The following ZSCAN12 variants were observed in gnomAD, a reference collection of about 807,000 sequenced individuals.
The protein encoded by ZSCAN12 is zinc finger and SCAN domain-containing protein 12.
A neutral mutation model predicts 23.4 loss-of-function variants in ZSCAN12; 18 were observed. The observed-to-expected ratio is 0.77, with a 90% CI of 0.53 to 1.14. ZSCAN12 has a LOEUF of 1.14. Ranked by LOEUF, ZSCAN12 falls within the 50% of genes most tolerant of loss-of-function variation. ZSCAN12 has a pLI of 0.00. For synonymous variants in ZSCAN12, 186 were observed against 253.4 expected, an observed-to-expected ratio of 0.73 and a Z score of 2.53; for missense variants, 650 against 735.0, an observed-to-expected ratio of 0.88 and a Z score of 1.34.
In ZSCAN12 at chr6:28,391,536, C is replaced by A; in HGVS notation, c.754G>T (p.Gly252Ter). 3.2e-6 allele frequency: 5 copies of A among 1,552,196 alleles called. No homozygotes were observed. The highest frequency in any genetic ancestry group is 4.4e-6 in the Non-Finnish European group (5 of 1,147,110). Reference protein sequence around the residue: ...EDKQPTCDENGVSLTENSDHT... With the variant: ...EDKQPTCDEN ...TCAGAGTTCTCAGTCAGGCTTACTCCATTTTCATCACAGGTAGGTTGTTTA... is the reference window on the plus strand; with the variant it reads ...TCAGAGTTCTCAGTCAGGCTTACTCAATTTTCATCACAGGTAGGTTGTTTA... The change falls in exon 4 of 4, where the codon GGA becomes TGA. Residue 252 changes from glycine to a stop codon, truncating the protein, a stop_gained. Transcript: ENST00000684592. LOFTEE classifies it low-confidence loss of function (END_TRUNC). This position sits in a 1 kb window ranked among gnomAD's most constrained non-coding sequence, Gnocchi z 4.1.
chr6:28,392,255 G>A (rs936317758), intron 3 of ZSCAN12, among the ~76,000 whole-genome samples: 2 of 149,944 alleles, frequency 1.3e-5, no homozygotes, highest in Non-Finnish European at 3.0e-5. Flanking sequence ...TCAGCTCACT[G>A]CAACCTCCGC....
At position 28,387,582 on chromosome 6, in the gene ZSCAN12, T is replaced by A. The variant is rs539140007; in HGVS notation, c.*2872A>T. ...GAAACAGCAAAAGAACTACCATAAC[T>A]AACTCCATTTTTGTTTAAGGACCCT... On this transcript the variant is annotated 3_prime_UTR_variant, in exon 4 of 4. Coordinates refer to ENST00000684592, the MANE Select transcript of ZSCAN12 (RefSeq NM_001163391.2). 5.8e-4 allele frequency among the ~76,000 whole-genome samples: 89 copies of A among 152,332 alleles called. No individual in the cohort carries two copies. Among genetic ancestry groups the A allele is most frequent in the Non-Finnish European group, 7.9e-4 (54 of 68,016 alleles).
intron 2 of ZSCAN12, among the ~76,000 whole-genome samples, chr6:28,396,777 G>GT (rs1424245844): frequency 1.3e-5 from 2 of 151,630 alleles, no homozygotes; most frequent in East Asian, 1.9e-4. Context: ...GCTGACTTTT[G>GT]TATTTTTAGT....
chr6:28,390,900 T>A lies in ZSCAN12; in HGVS notation c.1390A>T (p.Thr464Ser). The A allele has an allele frequency of 6.4e-7, 1 of 1,569,738 alleles. No homozygotes were observed. Among genetic ancestry groups the A allele is most frequent in the Non-Finnish European group, 8.6e-7 (1 of 1,156,846 alleles). The change falls in exon 4 of 4, where the codon ACT (threonine) becomes TCT (serine). Residue 464 changes from threonine to serine, a missense_variant. Coordinates refer to ENST00000684592, the MANE Select transcript of ZSCAN12 (RefSeq NM_001163391.2). ...TCACATTTGTAGGGTTTTTCCCCAG[T>A]GTGAATTCTCTGATGCTGAATAAGG... is the stretch of plus-strand genomic sequence containing the variant. The part of the protein sequence containing the change: ...SGLIQHQRIH[T>S]GEKPYKCDVC...
At chr6:28,381,260 T>C (rs1760220936), downstream of ZSCAN12, 1 of 152,228 alleles carries the variant, frequency 6.6e-6, no homozygotes. Flanking sequence ...TTCTACTCAC[T>C]TTAAGTATCT....
At chr6:28,398,528 A>C (rs539341159) in intron 1 of ZSCAN12, 55 bp from the exon 2 acceptor site, 165 of 1,008,194 alleles carry the variant, frequency 1.6e-4, no homozygotes, top group Admixed American at 3.8e-4. Context: ...TAAAACTGCA[A>C]ATTCTGAGAA....
In ZSCAN12 at chr6:28,391,677, G is replaced by A. The variant is rs551791387; in HGVS notation, c.613C>T (p.Pro205Ser). ...AATTTACTGGATGTCTTCCCATGTG[G>A]TTCCATTTCTTCAGAAACTTCTTGC... ...LKQEVSEEME[P>S]HGKTSSKFEN... Residue 205 changes from proline to serine, a missense_variant, in exon 4 of 4, where the codon CCA becomes TCA. Physicochemically the swap from Pro to Ser is moderately conservative, Grantham distance 74. Transcript: ENST00000684592. The surrounding 1 kb of genome is among the most constrained non-coding windows in gnomAD (Gnocchi z 4.1). 1.2e-5 allele frequency: 18 copies of A among 1,549,040 alleles called. No homozygotes were observed. The Admixed American group carries it at 1.2e-4, about 10-fold the overall frequency.
downstream of ZSCAN12, chr6:28,380,327 T>C (rs1188187701): frequency 5.9e-5 from 9 of 152,180 alleles, no homozygotes; most frequent in Admixed American, 5.9e-4. Flanking sequence ...ACTGGCAGGG[T>C]TTCCCTTTAC....
In ZSCAN12 at chr6:28,390,995, T is replaced by C; in HGVS notation, c.1295A>G (p.His432Arg). ...TTTTTCTTTGTGGTGGATTTCCTGA[T>C]GGGAAACAAGGGATGAGTTATAAAC... ...AFVYNSSLVS[H>R]QEIHHKEKCY... Residue 432 changes from histidine to arginine, a missense_variant, in exon 4 of 4, where the codon CAT becomes CGT. By Grantham distance (29) the His-to-Arg change is conservative. Transcript: ENST00000684592. The C allele has an allele frequency of 1.9e-6, 3 of 1,556,380 alleles. No homozygotes were observed. The highest frequency in any genetic ancestry group is 2.6e-6 in the Non-Finnish European group (3 of 1,149,482).
At chr6:28,399,324 A>G (rs1761296063) in intron 1 of ZSCAN12, among the ~76,000 whole-genome samples, 1 of 152,208 alleles carries the variant, frequency 6.6e-6, no homozygotes, top group African/African-American at 2.4e-5. Flanking sequence ...GAAGTGAGGA[A>G]GGCCCAGGAA....
downstream of ZSCAN12, among the ~76,000 whole-genome samples, chr6:28,383,384 C>A (rs1760378140): frequency 6.6e-6 from 1 of 152,218 alleles, no homozygotes; most frequent in Non-Finnish European, 1.5e-5. Flanking sequence ...CTCCAAAGGT[C>A]CGTCACAAAG....
At position 28,391,291 on chromosome 6, in the gene ZSCAN12, A is replaced by G. The variant is rs1760814410; in HGVS notation, c.999T>C (p.Asn333=). 2 of 1,552,024 alleles carry G rather than the reference A, an allele frequency of 1.3e-6. No homozygotes were observed. Among genetic ancestry groups the G allele is most frequent in the Admixed American group, 3.9e-5 (2 of 51,016 alleles). The part of the protein sequence containing the change: ...IHTGEKPYKC[N]ECGKAFGRWS... ...ACCGGCCAAAGGCTTTGCCACATTC[A>G]TTACACTTATACGGTTTCTCTCCAG... The change falls in exon 4 of 4, where the codon AAT becomes AAC. Residue 333 remains asparagine (N), a synonymous_variant. Coordinates refer to ENST00000684592, the MANE Select transcript of ZSCAN12 (RefSeq NM_001163391.2). This position sits in a 1 kb window ranked among gnomAD's most constrained non-coding sequence, Gnocchi z 4.1.
At chr6:28,398,639 C>T (rs964609471) in intron 1 of ZSCAN12, among the ~76,000 whole-genome samples, 166 bp from the exon 2 acceptor site, 2 of 151,866 alleles carry the variant, frequency 1.3e-5, no homozygotes, top group African/African-American at 2.4e-5. Flanking sequence ...CGATTTAGGC[C>T]GGGCACAGTG....
rs1043589138 is a variant in ZSCAN12, at chr6:28,389,557, A to G, written c.*897T>C. Among the ~76,000 whole-genome samples, 3 of 152,190 alleles carry G rather than the reference A, an allele frequency of 2.0e-5. No homozygotes were observed. The highest frequency in any genetic ancestry group is 6.5e-5 in the Admixed American group (1 of 15,274). On this transcript the variant is annotated 3_prime_UTR_variant, in exon 4 of 4. Coordinates refer to ENST00000684592, the MANE Select transcript of ZSCAN12 (RefSeq NM_001163391.2). Reference sequence around the variant, plus strand: ...TGGAGCTATAAAAATGAAGATTCTCAACTCCCATCCTAGGCCTAATGAAGC... The same window carrying G: ...TGGAGCTATAAAAATGAAGATTCTCGACTCCCATCCTAGGCCTAATGAAGC...
At position 28,388,780 on chromosome 6, in the gene ZSCAN12, A is replaced by G. The variant is rs1245496260; in HGVS notation, c.*1674T>C. 6.6e-6 allele frequency among the ~76,000 whole-genome samples: 1 copy of G among 152,202 alleles called. No individual in the cohort carries two copies. Among genetic ancestry groups the G allele is most frequent in the Non-Finnish European group, 1.5e-5 (1 of 68,040 alleles). On this transcript the variant is annotated 3_prime_UTR_variant, in exon 4 of 4. Coordinates refer to ENST00000684592, the MANE Select transcript of ZSCAN12 (RefSeq NM_001163391.2). ...TGGAGTTGTGTTGGGGTGTAGTAGG[A>G]AGTTAGTCCCAGAAACTGTGGAGTT...
rs1253755037 is a variant in ZSCAN12, at chr6:28,385,544, TAAAG to T, written c.*4906_*4909del. ...CAACACATGGTTTGTTCAACTGAAA[TAAAG>T]AGAGGAAGTGTATCACAGAGGTTAA... On this transcript the variant is annotated 3_prime_UTR_variant, in exon 4 of 4. Coordinates refer to ENST00000684592, the MANE Select transcript of ZSCAN12 (RefSeq NM_001163391.2). Among the ~76,000 whole-genome samples the T allele has an allele frequency of 6.6e-6, 1 of 152,168 alleles. No homozygotes were observed. Among genetic ancestry groups the T allele is most frequent in the African/African-American group, 2.4e-5 (1 of 41,422 alleles).
At position 28,386,370 on chromosome 6, in the gene ZSCAN12, ATTT is replaced by A. The variant is rs1358376399; in HGVS notation, c.*4081_*4083del. ...ATTGTTACTACAATTGATGACCGTT[ATTT>A]CTACCTTGGACCTGCTTCGCTTTTA... On this transcript the variant is annotated 3_prime_UTR_variant, in exon 4 of 4. Transcript: ENST00000684592. Among the ~76,000 whole-genome samples, 1 of 152,188 alleles carries A rather than the reference ATTT, an allele frequency of 6.6e-6. No individual in the cohort carries two copies. The highest frequency in any genetic ancestry group is 2.4e-5 in the African/African-American group (1 of 41,454).
rs747802843 is a variant in ZSCAN12 at position 28,391,100 on chromosome 6, C to T, written c.1190G>A (p.Arg397Gln). Residue 397 changes from arginine (R) to glutamine (Q), a missense_variant, in exon 4 of 4, where the codon CGG becomes CAG. By Grantham distance (43) the Arg-to-Gln change is conservative. Transcript: ENST00000684592. The surrounding 1 kb of genome is among the most constrained non-coding windows in gnomAD (Gnocchi z 4.1). ...TTGATGCTGAGTAAGTATGGAACGC[C>T]GACTAAAACTTTTATTACACTGAGT... ...QCTQCNKSFS[R>Q]RSILTQHQGV... The T allele has an allele frequency of 3.2e-5, 50 of 1,552,016 alleles. No individual in the cohort carries two copies. The highest frequency in any genetic ancestry group is 2.4e-4 in the Admixed American group (12 of 50,978).
intron 2 of ZSCAN12, among the ~76,000 whole-genome samples, chr6:28,396,363 T>C (rs1421063360): frequency 2.0e-5 from 3 of 152,228 alleles, no homozygotes; most frequent in Admixed American, 2.0e-4. Flanking sequence ...TCGGTAAATA[T>C]GTGCTTAATT....
Sources: gnomAD v4.1 joint callset for allele counts (sites outside exome capture counted in the v4.1 genomes callset) on GRCh38, gnomAD v4.1.1 for gene constraint, Gnocchi (gnomAD v3.1) non-coding constraint, MANE v1.5 for transcripts, NCBI Gene and HGNC (gene_info 2026-07-23, HGNC 2026-07-21) for gene names.